Variants in EEPD1 observed in about 807,000 individuals in gnomAD.
EEPD1 encodes the protein endonuclease/exonuclease/phosphatase family domain containing 1.
A neutral mutation model predicts 46.3 loss-of-function variants in EEPD1; 17 were observed. That is an observed-to-expected ratio of 0.37 (90% CI 0.25 to 0.55). The LOEUF is 0.55. Ranked by LOEUF, EEPD1 falls within the 20% of genes least tolerant of loss-of-function variation. EEPD1 has a pLI of 0.83. For synonymous variants in EEPD1, 313 were observed against 315.6 expected (o/e 0.99, Z 0.09); for missense variants, 673 against 745.6 (o/e 0.90, Z 1.13).
At chr7:36,156,119 G>A (rs1393832798) in intron 2 of EEPD1, among the ~76,000 whole-genome samples, 2 of 152,202 alleles carry the variant, frequency 1.3e-5, no homozygotes, top group Non-Finnish European at 2.9e-5. Flanking sequence ...CCCACCAGGG[G>A]TGCAGTGTTT....
chr7:36,258,675 C>A (rs893510729), intron 3 of EEPD1, among the ~76,000 whole-genome samples: 1 of 152,092 alleles, frequency 6.6e-6, no homozygotes, highest in Non-Finnish European at 1.5e-5. Flanking sequence ...CCCCTCCCCC[C>A]ACCAGCTCCA....
Position 36,281,149 on chromosome 7 carries a change from A to C in EEPD1, c.965A>C (p.Asn322Thr), listed in dbSNP as rs762000997. The part of the protein sequence containing the change: ...CTELNQPTLP[N>T]IRKWKGPRGC... ...GAGCTAAACCAGCCGACCCTGCCCA[A>C]CATCCGCAAGTGGAAGGGGCCCCGG... Residue 322 changes from asparagine to threonine, a missense_variant, in exon 4 of 8, where the codon AAC becomes ACC. Coordinates refer to ENST00000242108, the MANE Select transcript of EEPD1 (RefSeq NM_030636.3). The C allele has an allele frequency of 8.1e-6, 13 of 1,614,146 alleles. 1 individual carries two copies. The South Asian group carries it at 1.3e-4, about 16-fold the overall frequency.
chr7:36,181,484 G>T (rs923834835), intron 2 of EEPD1, among the ~76,000 whole-genome samples: 5 of 152,210 alleles, frequency 3.3e-5, no homozygotes, highest in African/African-American at 1.2e-4. Context: ...AGCACAGCCT[G>T]ACACCTAGGA....
chr7:36,265,688 A>G (rs893364084), intron 3 of EEPD1, among the ~76,000 whole-genome samples: 2 of 151,912 alleles, frequency 1.3e-5, no homozygotes, highest in Non-Finnish European at 2.9e-5. Context: ...CCTACTATTC[A>G]GTTTTCTTGT....
At chr7:36,195,192 G>A (rs1785556397) in intron 2 of EEPD1, among the ~76,000 whole-genome samples, 1 of 152,212 alleles carries the variant, frequency 6.6e-6, no homozygotes, top group Non-Finnish European at 1.5e-5. Context: ...TTCTTGGAGG[G>A]ATGCTCATTG....
intron 2 of EEPD1, among the ~76,000 whole-genome samples, chr7:36,180,963 C>G (rs993577594): frequency 2.0e-5 from 3 of 152,088 alleles, no homozygotes; most frequent in African/African-American, 7.2e-5. Context: ...ACCACCACCC[C>G]ACACTTTCAC....
At chr7:36,156,720 G>A (rs1479934185) in intron 2 of EEPD1, among the ~76,000 whole-genome samples, 2 of 152,096 alleles carry the variant, frequency 1.3e-5, no homozygotes, top group African/African-American at 4.8e-5. Context: ...GTCCCCCCTG[G>A]GGACCAGCAA....
intron 3 of EEPD1, among the ~76,000 whole-genome samples, chr7:36,243,364 A>G (rs994441246): frequency 6.6e-6 from 1 of 151,544 alleles, no homozygotes; most frequent in African/African-American, 2.4e-5. Flanking sequence ...TCTATTTGTG[A>G]GAACCCAGTT....
chr7:36,260,973 G>A (rs772814494), intron 3 of EEPD1, among the ~76,000 whole-genome samples: 9 of 152,220 alleles, frequency 5.9e-5, no homozygotes, highest in African/African-American at 2.2e-4. Flanking sequence ...ATAGGAAGAT[G>A]TGCATAGATT....
intron 2 of EEPD1, among the ~76,000 whole-genome samples, chr7:36,200,249 G>A (rs1785691469): frequency 6.6e-6 from 1 of 152,108 alleles, no homozygotes; most frequent in Non-Finnish European, 1.5e-5. Flanking sequence ...TTCTGTTCCT[G>A]TGTTAGTTTA....
chr7:36,295,322 G>A (rs1029670163), intron 6 of EEPD1, among the ~76,000 whole-genome samples: 6 of 152,186 alleles, frequency 3.9e-5, no homozygotes, highest in African/African-American at 1.4e-4. Context: ...AGAGCTCTCA[G>A]TGACCAAAGC....
intron 2 of EEPD1, among the ~76,000 whole-genome samples, chr7:36,207,560 T>C (rs1036554528): frequency 5.9e-5 from 9 of 152,200 alleles, no homozygotes; most frequent in African/African-American, 1.9e-4. Flanking sequence ...ACAATTCATC[T>C]TGAAAAGGTG....
At chr7:36,274,605 A>G (rs1399868345) in intron 3 of EEPD1, among the ~76,000 whole-genome samples, 1 of 152,152 alleles carries the variant, frequency 6.6e-6, no homozygotes, top group Non-Finnish European at 1.5e-5. Flanking sequence ...GGTTTATTAC[A>G]TAGGTAAATG....
At chr7:36,209,374 G>A (rs908365594) in intron 2 of EEPD1, among the ~76,000 whole-genome samples, 6 of 152,136 alleles carry the variant, frequency 3.9e-5, no homozygotes, top group Non-Finnish European at 7.4e-5. Flanking sequence ...TCTCATTGCC[G>A]GCTCTGTTTC....
intron 2 of EEPD1, among the ~76,000 whole-genome samples, chr7:36,227,537 A>T (rs1206388639): frequency 1.3e-5 from 2 of 152,182 alleles, no homozygotes; most frequent in African/African-American, 4.8e-5. Flanking sequence ...GCTCTGAGCC[A>T]ATAGAGGAGG....
rs903705755 is a variant in EEPD1 at position 36,162,360 on chromosome 7, G to T, written c.878+7158G>T. Among the ~76,000 whole-genome samples, 4 of 152,174 alleles carry T rather than the reference G, an allele frequency of 2.6e-5. No individual in the cohort carries two copies. In the East Asian group the frequency reaches 7.7e-4, roughly 29 times the overall value. ...CAGACTCTTGAATAAAGAAAGCCTG[G>T]GTTGGCTGGGCACGGTGGCTCACAC... On this transcript the variant is annotated intron_variant, in intron 2 of 7. Coordinates refer to ENST00000242108, the MANE Select transcript of EEPD1 (RefSeq NM_030636.3).
intron 2 of EEPD1, among the ~76,000 whole-genome samples, chr7:36,217,636 T>C (rs1357867924): frequency 6.6e-6 from 1 of 152,242 alleles, no homozygotes; most frequent in Admixed American, 6.5e-5. Context: ...CAAATGCCTC[T>C]GATAACTTTT....
At position 36,154,638 on chromosome 7, in the gene EEPD1, G is replaced by A; in HGVS notation, c.314G>A (p.Ser105Asn). The change falls in exon 2 of 8, where the codon AGC (serine) becomes AAC (asparagine). Residue 105 changes from serine to asparagine, a missense_variant. Ser to Asn is a conservative substitution (Grantham distance 46). Coordinates refer to ENST00000242108, the MANE Select transcript of EEPD1 (RefSeq NM_030636.3). The surrounding 1 kb of genome is among the most constrained non-coding windows in gnomAD (Gnocchi z 4.2). The stretch of plus-strand genomic sequence containing the variant: ...GAGATCTGTGTGAGCAGCAAGGGCA[G>A]CTCAGCGCAGCACTCTCCCAGTTCC... Reference protein sequence around the residue: ...KFEICVSSKGSSAQHSPSSLR... With the variant: ...KFEICVSSKGNSAQHSPSSLR... 2 of 1,613,968 alleles carry A rather than the reference G, an allele frequency of 1.2e-6. No individual in the cohort carries two copies. The highest frequency in any genetic ancestry group is 2.7e-5 in the African/African-American group (2 of 75,048).
chr7:36,267,693 G>T lies in EEPD1; in HGVS notation c.931-13422G>T, dbSNP rs139217783. 1.3e-4 allele frequency among the ~76,000 whole-genome samples: 20 copies of T among 152,210 alleles called. No individual in the cohort carries two copies. The East Asian group carries it at 3.9e-3, about 29-fold the overall frequency. On this transcript the variant is annotated intron_variant, in intron 3 of 7. Coordinates refer to ENST00000242108, the MANE Select transcript of EEPD1 (RefSeq NM_030636.3). ...TTGTAAGACTGTAAGCTCAGGTTGGGCAAAGGACCATGTCTATTTTACTCC... is the reference window on the plus strand; with the variant it reads ...TTGTAAGACTGTAAGCTCAGGTTGGTCAAAGGACCATGTCTATTTTACTCC...
Sources: gnomAD v4.1 joint callset for allele counts (sites outside exome capture counted in the v4.1 genomes callset) on GRCh38, gnomAD v4.1.1 for gene constraint, Gnocchi (gnomAD v3.1) non-coding constraint, MANE v1.5 for transcripts, NCBI Gene and HGNC (gene_info 2026-07-23, HGNC 2026-07-21) for gene names.